The following BRAT1 variants were observed in gnomAD, a reference collection of about 807,000 sequenced individuals.
The protein encoded by BRAT1 is integrator complex assembly factor BRAT1.
A neutral mutation model predicts 70.6 loss-of-function variants in BRAT1; 74 were observed. The ratio of observed to expected loss-of-function variants is 1.05; its 90% CI spans 0.87 to 1.27. The LOEUF is 1.27. Among genes scored for constraint, BRAT1 ranks in the 50% most tolerant of loss-of-function variants. BRAT1 has a pLI of 0.00. For synonymous variants in BRAT1, 615 were observed against 517.1 expected, an observed-to-expected ratio of 1.19 and a Z score of -2.57; for missense variants, 1,203 against 1,098.2, an observed-to-expected ratio of 1.10 and a Z score of -1.35.
chr7:2,550,802 G>C (rs749830530), intron 2 of BRAT1, among the ~76,000 whole-genome samples: 1 of 152,148 alleles, frequency 6.6e-6, no homozygotes, highest in Admixed American at 6.6e-5. Context: ...GATGATTTCA[G>C]AGCCCTGTAA....
In BRAT1 at chr7:2,543,428, AG is replaced by A. The variant is rs1254724659; in HGVS notation, c.804-106del. 2.0e-6 allele frequency: 3 copies of A among 1,487,266 alleles called. No homozygotes were observed. The highest frequency in any genetic ancestry group is 2.7e-6 in the Non-Finnish European group (3 of 1,121,144). The allele number at this position is 1,487,266 out of a possible 1,614,324, so 92.1% of individuals were successfully genotyped here. A position where few individuals can be genotyped will look rare whatever the true frequency, so the allele number is the denominator to read the frequency against. On this transcript the variant is annotated intron_variant, in intron 5 of 13. Transcript: ENST00000340611. This position sits in a 1 kb window ranked among gnomAD's most constrained non-coding sequence, Gnocchi z 5.5. ...TCCGGCACTGGAGGCGCCCAGCCCAAGACAGGCCTTTCCCCATGAGGGTTCC... is the reference window on the plus strand; with the variant it reads ...TCCGGCACTGGAGGCGCCCAGCCCAAACAGGCCTTTCCCCATGAGGGTTCC...
chr7:2,543,363 C>A lies in BRAT1; in HGVS notation c.804-40G>T. ...CAGAGAGAAAAATTACTCCCCCACCCTCAAAACCCCATTCGAGGCCTGGCT... is the reference window on the plus strand; with the variant it reads ...CAGAGAGAAAAATTACTCCCCCACCATCAAAACCCCATTCGAGGCCTGGCT... On this transcript the variant is annotated intron_variant, in intron 5 of 13. Coordinates refer to ENST00000340611, the MANE Select transcript of BRAT1 (RefSeq NM_152743.4). The surrounding 1 kb of genome is among the most constrained non-coding windows in gnomAD (Gnocchi z 5.5). The A allele has an allele frequency of 6.5e-7, 1 of 1,541,394 alleles. No homozygotes were observed. Among genetic ancestry groups the A allele is most frequent in the South Asian group, 1.2e-5 (1 of 82,054 alleles).
At position 2,543,819 on chromosome 7, in the gene BRAT1, G is replaced by A. The variant is rs1355614017; in HGVS notation, c.574C>T (p.Pro192Ser). ...GQPCLPGGDW[P>S]ACAQKIMDHV... ...TCCATGATCTTCTGGGCACACGCGG[G>A]CCAGTCACCCCCCGGCAGGCAGGGC... The change falls in exon 5 of 14, where the codon CCC becomes TCC. Residue 192 changes from proline to serine, a missense_variant. By Grantham distance (74) the Pro-to-Ser change is moderately conservative (BLOSUM62 -1). Coordinates refer to ENST00000340611, the MANE Select transcript of BRAT1 (RefSeq NM_152743.4). The surrounding 1 kb of genome is among the most constrained non-coding windows in gnomAD (Gnocchi z 5.5). 1 of 1,612,784 alleles carries A rather than the reference G, an allele frequency of 6.2e-7. No individual in the cohort carries two copies. Among genetic ancestry groups the A allele is most frequent in the Non-Finnish European group, 8.5e-7 (1 of 1,179,822 alleles).
Position 2,538,746 on chromosome 7 carries a change from G to A in BRAT1, c.1789C>T (p.Leu597=). 1 of 1,598,398 alleles carries A rather than the reference G, an allele frequency of 6.3e-7. No homozygotes were observed. The highest frequency in any genetic ancestry group is 1.7e-4 in the Middle Eastern group (1 of 6,060). The change falls in exon 14 of 14, where the codon CTG becomes TTG. Residue 597 remains leucine (L), a synonymous_variant. Transcript: ENST00000340611. ...EARQSLFLEL[L]HILSVDSEGF... ...TCCGAGTCTACGGAGAGGATGTGCA[G>A]GAGCTCCAGGAACAGGCTCTGGGGG...
Position 2,539,769 on chromosome 7 carries a change from G to A in BRAT1, c.1498+17C>T, listed in dbSNP as rs936655077. On this transcript the variant is annotated intron_variant, in intron 11 of 13. Coordinates refer to ENST00000340611, the MANE Select transcript of BRAT1 (RefSeq NM_152743.4). ...TGCGACTCCAGCTCCGTTCACCCCTGCAAGGGGCTGCGTTACCTCTGAGGA... is the reference window on the plus strand; with the variant it reads ...TGCGACTCCAGCTCCGTTCACCCCTACAAGGGGCTGCGTTACCTCTGAGGA... 7.5e-6 allele frequency: 12 copies of A among 1,603,266 alleles called. No homozygotes were observed. Among genetic ancestry groups the A allele is most frequent in the Non-Finnish European group, 1.0e-5 (12 of 1,174,818 alleles).
At chr7:2,554,927 A>AG (rs946111267) in intron 1 of BRAT1, among the ~76,000 whole-genome samples, 1 of 151,908 alleles carries the variant, frequency 6.6e-6, no homozygotes, top group African/African-American at 2.4e-5. Flanking sequence ...TGAAGCCAGC[A>AG]GGGGGGTGCG....
At chr7:2,546,628 G>C (rs1004739521) in intron 3 of BRAT1, among the ~76,000 whole-genome samples, 5 of 151,780 alleles carry the variant, frequency 3.3e-5, no homozygotes, top group South Asian at 2.1e-4. Context: ...CCAGATACTC[G>C]GGAGGCTGAG....
intron 3 of BRAT1, among the ~76,000 whole-genome samples, chr7:2,545,849 A>G (rs921366979): frequency 6.6e-5 from 10 of 152,200 alleles, no homozygotes; most frequent in African/African-American, 2.4e-4. Flanking sequence ...ACTGTACGGC[A>G]GCACCCTAGG....
In BRAT1 at chr7:2,542,165, G is replaced by C; in HGVS notation, c.970C>G (p.Leu324Val). Residue 324 changes from leucine to valine, a missense_variant, in exon 7 of 14, where the codon CTG becomes GTG. Physicochemically the swap from Leu to Val is conservative, Grantham distance 32. Transcript: ENST00000340611. ...TQAFQVLLQP[L>V]ACVLKATVQA... The stretch of plus-strand genomic sequence containing the variant: ...ACCGTGGCCTTCAGGACACAGGCCA[G>C]GGGCTGGAGAAGGACCTGGAAGGCC... 6.4e-7 allele frequency: 1 copy of C among 1,573,392 alleles called. No individual in the cohort carries two copies. The highest frequency in any genetic ancestry group is 1.2e-5 in the South Asian group (1 of 85,724).
In BRAT1 at chr7:2,543,974, A is replaced by C; in HGVS notation, c.431-12T>G. The stretch of plus-strand genomic sequence containing the variant: ...GGTGTCGACCGCACCTGGGTAGGGG[A>C]TGGGGGAAGAGAGGGAAAAGGGGGT... On this transcript the variant is annotated splice_polypyrimidine_tract_variant and intron_variant, in intron 4 of 13. Coordinates refer to ENST00000340611, the MANE Select transcript of BRAT1 (RefSeq NM_152743.4). This position sits in a 1 kb window ranked among gnomAD's most constrained non-coding sequence, Gnocchi z 5.5. 6.5e-7 allele frequency: 1 copy of C among 1,542,768 alleles called. No homozygotes were observed. The highest frequency in any genetic ancestry group is 8.8e-7 in the Non-Finnish European group (1 of 1,137,850).
chr7:2,539,968 T>C, intron 10 of BRAT1, 80 bp from the exon 11 acceptor site: 1 of 1,035,928 alleles, frequency 9.7e-7, no homozygotes, highest in Non-Finnish European at 1.4e-6. Context: ...CCTTCACCTG[T>C]GCTGCCCGTA....
At chr7:2,552,106 A>ATATATATATATATATATATATATTTT (rs1245262304) in intron 2 of BRAT1, among the ~76,000 whole-genome samples, 1 of 14,218 alleles carries the variant, frequency 7.0e-5, no homozygotes, top group Non-Finnish European at 1.4e-4. Flanking sequence ...ATATATATAT[A>ATATATATATATATATATATATATTTT]TTTTTTTTTT....
At position 2,540,975 on chromosome 7, in the gene BRAT1, G is replaced by T. The variant is rs550539572; in HGVS notation, c.1395+4C>A. 3.2e-6 allele frequency: 5 copies of T among 1,545,646 alleles called. No homozygotes were observed. Among genetic ancestry groups the T allele is most frequent in the African/African-American group, 1.4e-5 (1 of 70,432 alleles). The stretch of plus-strand genomic sequence containing the variant: ...CTCCTCGCTCTCTATCCCCACCACC[G>T]TACCGTGGGGCTGGAGCCGGGGCTC... On this transcript the variant is annotated splice_donor_region_variant and intron_variant, in intron 10 of 13. Coordinates refer to ENST00000340611, the MANE Select transcript of BRAT1 (RefSeq NM_152743.4).
chr7:2,547,529 C>T, intron 2 of BRAT1, 51 bp from the exon 3 acceptor site: 1 of 1,582,386 alleles, frequency 6.3e-7, no homozygotes, highest in Non-Finnish European at 8.7e-7. Flanking sequence ...CACCAGGTGT[C>T]CCCCTGGATG....
At chr7:2,540,868 C>G (rs1238311720) in intron 10 of BRAT1, 111 bp downstream of exon 10, 10 of 1,132,740 alleles carry the variant, frequency 8.8e-6, no homozygotes, top group Non-Finnish European at 9.5e-6. Flanking sequence ...CTCTGTGGCC[C>G]TGTGTGAAGG....
chr7:2,552,098 ATATATATATTTTT>A (rs1191448802), intron 2 of BRAT1, among the ~76,000 whole-genome samples: 8 of 14,568 alleles, frequency 5.5e-4, no homozygotes, highest in African/African-American at 1.1e-3. Context: ...ATATATATAT[ATATATATATTTTT>A]TTTTTTTTTT....
rs766501904 is a variant in BRAT1 at position 2,538,080 on chromosome 7, C to A, written c.2455G>T (p.Asp819Tyr). Residue 819 changes from aspartate to tyrosine, a missense_variant, in exon 14 of 14, where the codon GAC (aspartate) becomes TAC (tyrosine). Asp to Tyr is a radical substitution (Grantham distance 160, BLOSUM62 -3). Coordinates refer to ENST00000340611, the MANE Select transcript of BRAT1 (RefSeq NM_152743.4). ...GACTCTGGTTCTGCTCAGTAGCAGT[C>A]GGCCTCGTCCCCCTGCAGGAAGCCT... is the stretch of plus-strand genomic sequence containing the variant. ...TGGFLQGDEA[D>Y]CY 5 of 1,566,458 alleles carry A rather than the reference C, an allele frequency of 3.2e-6. No homozygotes were observed. Among genetic ancestry groups the A allele is most frequent in the South Asian group, 1.2e-5 (1 of 85,406 alleles).
chr7:2,538,886 C>T (rs1415076865), intron 13 of BRAT1, 122 bp from the exon 14 acceptor site: 1 of 1,496,386 alleles, frequency 6.7e-7, no homozygotes, highest in African/African-American at 1.4e-5. Context: ...ACAGCCCGCT[C>T]TGACACCTTC....
chr7:2,542,641 G>A (rs1281689076), intron 6 of BRAT1: 9 of 217,024 alleles, frequency 4.1e-5, no homozygotes, highest in African/African-American at 9.5e-5. Flanking sequence ...ATCCTCCCCC[G>A]GTCTACTCTC....
Sources: gnomAD v4.1 joint callset for allele counts (sites outside exome capture counted in the v4.1 genomes callset) on GRCh38, gnomAD v4.1.1 for gene constraint, Gnocchi (gnomAD v3.1) non-coding constraint, MANE v1.5 for transcripts, NCBI Gene and HGNC (gene_info 2026-07-23, HGNC 2026-07-21) for gene names.